Variants in ZNF804B observed in about 807,000 individuals in gnomAD.
ZNF804B encodes zinc finger 804B.
In ZNF804B, 80 loss-of-function variants were observed where a neutral mutation model predicts 101.4. That is an observed-to-expected ratio of 0.79 (90% CI 0.66 to 0.95). ZNF804B has a LOEUF of 0.95. Ranked by LOEUF, ZNF804B falls within the 40% of genes least tolerant of loss-of-function variation. The pLI is 0.00. For missense variants in ZNF804B, 1,673 were observed against 1,561.9 expected (o/e 1.07, Z -1.20); for synonymous variants, 622 against 558.8 (o/e 1.11, Z -1.59).
rs1791508538 is a variant in ZNF804B, at chr7:88,854,435, C to CTTTCTTTCTTTCTTTCTT, written c.108+94353_108+94370dup. 4.0e-5 allele frequency among the ~76,000 whole-genome samples: 5 copies of CTTTCTTTCTTTCTTTCTT among 123,800 alleles called. 1 individual carries two copies. The Admixed American group carries it at 4.4e-4, about 11-fold the overall frequency. The allele number at this position is 123,800 out of a possible 152,430, so 81.2% of individuals were successfully genotyped here. ...TCTTCCTTTCTTTCTTTCTTTCTTT[C>CTTTCTTTCTTTCTTTCTT]TTTCTTTCTTTCTTTCTTTCTTTCT... On this transcript the variant is annotated intron_variant, in intron 1 of 3. Transcript: ENST00000333190.
At chr7:89,174,338 A>G (rs1036834453) in intron 1 of ZNF804B, among the ~76,000 whole-genome samples, 18 of 152,042 alleles carry the variant, frequency 1.2e-4, no homozygotes, top group Admixed American at 9.8e-4. Context: ...AATGAGTGAG[A>G]GCATGCAAAA....
intron 1 of ZNF804B, among the ~76,000 whole-genome samples, chr7:88,971,346 A>G (rs1793534879): frequency 6.6e-6 from 1 of 151,690 alleles, no homozygotes; most frequent in African/African-American, 2.4e-5. Context: ...TTGCCAGGCA[A>G]TAAGAAGACA....
intron 2 of ZNF804B, among the ~76,000 whole-genome samples, chr7:89,317,739 G>A (rs941938749): frequency 2.0e-5 from 3 of 152,140 alleles, no homozygotes; most frequent in Non-Finnish European, 4.4e-5. Flanking sequence ...AGTCTTTACT[G>A]ATCCATATGC....
At chr7:89,203,448 T>C (rs1788674465) in intron 1 of ZNF804B, among the ~76,000 whole-genome samples, 1 of 152,164 alleles carries the variant, frequency 6.6e-6, no homozygotes, top group African/African-American at 2.4e-5. Flanking sequence ...CCCTTGTAAA[T>C]ATCTTTCTCT....
At chr7:89,023,954 TA>T (rs1788707469) in intron 1 of ZNF804B, among the ~76,000 whole-genome samples, 1 of 152,200 alleles carries the variant, frequency 6.6e-6, no homozygotes, top group South Asian at 2.1e-4. Flanking sequence ...CCTAGCTTGC[TA>T]AATTGTGGGC....
At chr7:89,141,865 A>T (rs1158098132) in intron 1 of ZNF804B, among the ~76,000 whole-genome samples, 2 of 145,456 alleles carry the variant, frequency 1.4e-5, no homozygotes, top group African/African-American at 2.6e-5. Flanking sequence ...GAAATAATAG[A>T]ATTGAAAGAT....
intron 1 of ZNF804B, among the ~76,000 whole-genome samples, chr7:89,108,013 C>A (rs1790161324): frequency 6.6e-6 from 1 of 152,040 alleles, no homozygotes. Flanking sequence ...TCTCCTAAGA[C>A]TGTCACAGCC....
At chr7:89,172,815 T>C (rs893063400) in intron 1 of ZNF804B, among the ~76,000 whole-genome samples, 2 of 152,194 alleles carry the variant, frequency 1.3e-5, no homozygotes, top group Non-Finnish European at 2.9e-5. Flanking sequence ...AATTGGTCTT[T>C]GACTAGAATA....
chr7:89,043,312 A>T (rs1409214094), intron 1 of ZNF804B, among the ~76,000 whole-genome samples: 1 of 152,254 alleles, frequency 6.6e-6, no homozygotes, highest in South Asian at 2.1e-4. Context: ...AAATAGTTGT[A>T]ACCTGTAGCA....
intron 1 of ZNF804B, among the ~76,000 whole-genome samples, chr7:88,976,235 T>G (rs1465800857): frequency 6.6e-6 from 1 of 151,642 alleles, no homozygotes; most frequent in Non-Finnish European, 1.5e-5. Context: ...GATATTCTGT[T>G]TTTTATGGTC....
chr7:88,868,262 C>T (rs1791766642), intron 1 of ZNF804B, among the ~76,000 whole-genome samples: 1 of 152,198 alleles, frequency 6.6e-6, no homozygotes, highest in South Asian at 2.1e-4. Context: ...GATGTTGTAA[C>T]TGGAATTACC....
chr7:89,234,676 A>T (rs767049120), intron 2 of ZNF804B, among the ~76,000 whole-genome samples: 3 of 151,836 alleles, frequency 2.0e-5, no homozygotes, highest in Non-Finnish European at 2.9e-5. Flanking sequence ...CCCCACTCCC[A>T]TTTCTCTCTC....
At chr7:88,800,728 G>A (rs1790566775) in intron 1 of ZNF804B, among the ~76,000 whole-genome samples, 1 of 131,122 alleles carries the variant, frequency 7.6e-6, no homozygotes, top group Non-Finnish European at 1.6e-5. Context: ...GTGTGTGTGT[G>A]TGTGTGCTTA....
At chr7:89,082,116 CTT>C (rs1344584162) in intron 1 of ZNF804B, among the ~76,000 whole-genome samples, 1 of 151,690 alleles carries the variant, frequency 6.6e-6, no homozygotes, top group East Asian at 1.9e-4. Flanking sequence ...TATTACCCAA[CTT>C]TGTGTGAAGA....
At chr7:89,033,727 A>G (rs1788877935) in intron 1 of ZNF804B, among the ~76,000 whole-genome samples, 1 of 152,086 alleles carries the variant, frequency 6.6e-6, no homozygotes, top group South Asian at 2.1e-4. Flanking sequence ...GAATGACATA[A>G]TTAAATAAAT....
At chr7:88,824,630 T>C (rs1324373283) in intron 1 of ZNF804B, among the ~76,000 whole-genome samples, 1 of 152,180 alleles carries the variant, frequency 6.6e-6, no homozygotes, top group Non-Finnish European at 1.5e-5. Context: ...TCTTGACCTG[T>C]TCCTGGCCCT....
At chr7:88,767,334 G>A (rs1316861491) in intron 1 of ZNF804B, among the ~76,000 whole-genome samples, 1 of 152,082 alleles carries the variant, frequency 6.6e-6, no homozygotes, top group Non-Finnish European at 1.5e-5. Flanking sequence ...TCTTCCCACA[G>A]CTATTACTCA....
chr7:89,208,849 G>A lies in ZNF804B; in HGVS notation c.109-9306G>A, dbSNP rs972476845. Among the ~76,000 whole-genome samples the A allele has an allele frequency of 7.1e-4, 107 of 150,966 alleles. No homozygotes were observed. In the Middle Eastern group the frequency reaches 0.01, roughly 14 times the overall value. ...AACACGGTGAAACCCCGTCTGTACT[G>A]AAAATACAAAAAATTAGCCGGGCGA... On this transcript the variant is annotated intron_variant, in intron 1 of 3. Coordinates refer to ENST00000333190, the MANE Select transcript of ZNF804B (RefSeq NM_181646.5).
intron 1 of ZNF804B, among the ~76,000 whole-genome samples, chr7:88,995,670 C>T (rs1320782043): frequency 1.3e-5 from 2 of 151,968 alleles, no homozygotes; most frequent in African/African-American, 2.4e-5. Context: ...AGATGTGCTT[C>T]GTGACCTCCT....
Sources: gnomAD v4.1 joint callset for allele counts (sites outside exome capture counted in the v4.1 genomes callset) on GRCh38, gnomAD v4.1.1 for gene constraint, MANE v1.5 for transcripts, NCBI Gene and HGNC (gene_info 2026-07-23, HGNC 2026-07-21) for gene names.